RGS3: variants seen among roughly 807,000 people sequenced by gnomAD.
RGS3 encodes the protein regulator of G protein signaling 3.
In RGS3, 80 loss-of-function variants were observed where a neutral mutation model predicts 132.6. The ratio of observed to expected loss-of-function variants is 0.60; its 90% confidence interval spans 0.50 to 0.73. The LOEUF is 0.73. RGS3 is among the 30% of genes least tolerant of loss of function. The pLI, the probability that RGS3 is intolerant of heterozygous loss-of-function variation, is 0.00. For synonymous variants in RGS3, 598 were observed against 620.6 expected, an observed-to-expected ratio of 0.96 and a Z score of 0.54; for missense variants, 1,382 against 1,530.8, an observed-to-expected ratio of 0.90 and a Z score of 1.62.
intron 7 of RGS3, among the ~76,000 whole-genome samples, chr9:113,493,086 G>C (rs866539975): frequency 5.9e-5 from 9 of 152,334 alleles, no homozygotes; most frequent in Middle Eastern, 3.4e-3. Context: ...GAGTTCTCTT[G>C]AATGTGTGAC....
intron 22 of RGS3, 34 bp from the exon 21 acceptor site, chr9:113,594,883 CAG>C: frequency 1.2e-6 from 2 of 1,601,176 alleles, no homozygotes; most frequent in East Asian, 2.2e-5. Flanking sequence ...CCAAGCCTCT[CAG>C]TGCCCTCACT....
chr9:113,532,736 G>T (rs116556285), intron 18 of RGS3, among the ~76,000 whole-genome samples: 2,284 of 152,254 alleles, frequency 0.015, 63 homozygotes, highest in African/African-American at 0.052. Context: ...GATTTGAGGG[G>T]GCTGCCTCAG....
In RGS3 at chr9:113,579,614, T is replaced by C. The variant is rs1034080674; in HGVS notation, c.2038-3836T>C. On this transcript the variant is annotated intron_variant, in intron 19 of 24. Transcript: ENST00000350696. This position sits in a 1 kb window ranked among gnomAD's most constrained non-coding sequence, Gnocchi z 4.3. ...TGGGGCGCCCTGGCTGGATTCTTGT[T>C]ACTTCAGCTGTTGCAACAGCTGTCT... is the stretch of plus-strand genomic sequence containing the variant. Among the ~76,000 whole-genome samples the C allele has an allele frequency of 3.3e-5, 5 of 152,178 alleles. No individual in the cohort carries two copies. The highest frequency in any genetic ancestry group is 1.3e-4 in the Admixed American group (2 of 15,288).
chr9:113,484,401 CACTT>C (rs1830265111), intron 6 of RGS3, among the ~76,000 whole-genome samples, 169 bp downstream of exon 4: 2 of 151,186 alleles, frequency 1.3e-5, no homozygotes, highest in Admixed American at 6.6e-5. Context: ...TTTTCTCACT[CACTT>C]GTGTCCTTGC....
chr9:113,569,615 T>G (rs1019041338), intron 19 of RGS3, among the ~76,000 whole-genome samples: 6 of 150,480 alleles, frequency 4.0e-5, no homozygotes, highest in Admixed American at 4.0e-4. Flanking sequence ...CCTTCCTTCC[T>G]TCCTTCCTTC....
chr9:113,508,482 C>A (rs1831244879), intron 13 of RGS3, 59 bp from the exon 12 acceptor site: 1 of 1,605,664 alleles, frequency 6.2e-7, no homozygotes, highest in African/African-American at 1.3e-5. Context: ...CCAGCAGCCT[C>A]CTGGGCTGTC....
chr9:113,465,476 T>TGTGTGTGG (rs796647799), intron 3 of RGS3, among the ~76,000 whole-genome samples: 1 of 151,422 alleles, frequency 6.6e-6, no homozygotes. Context: ...TGTGTGTGTG[T>TGTGTGTGG]GTGTGCCTGT....
chr9:113,588,650 A>G (rs1402270423), intron 20 of RGS3, among the ~76,000 whole-genome samples: 1 of 152,236 alleles, frequency 6.6e-6, no homozygotes, highest in Non-Finnish European at 1.5e-5. Context: ...AAAGTATGTT[A>G]AAACACTTTG....
At chr9:113,499,155 A>T (rs1830784407) in intron 10 of RGS3, among the ~76,000 whole-genome samples, 1 of 139,364 alleles carries the variant, frequency 7.2e-6, no homozygotes, top group Non-Finnish European at 1.5e-5. Context: ...TGAACCTGGG[A>T]GGTGGAGGTT....
chr9:113,560,396 G>A (rs2118809361), intron 19 of RGS3, among the ~76,000 whole-genome samples: 1 of 151,506 alleles, frequency 6.6e-6, no homozygotes, highest in Non-Finnish European at 1.5e-5. Context: ...CGTGCCACCA[G>A]GAAGAGCAAG....
chr9:113,448,279 G>A (rs1427531929), intron 1 of RGS3, among the ~76,000 whole-genome samples: 1 of 151,846 alleles, frequency 6.6e-6, no homozygotes. Context: ...CTTTCACTTG[G>A]TTTACAAGCC....
chr9:113,553,459 A>AAAAAAAAAAAAAAATATATATAT (rs1426114805), intron 19 of RGS3, among the ~76,000 whole-genome samples: 1 of 58,706 alleles, frequency 1.7e-5, no homozygotes, highest in Non-Finnish European at 3.0e-5. Flanking sequence ...AAAAAAAAAA[A>AAAAAAAAAAAAAAATATATATAT]ATATATATAT....
intron 19 of RGS3, among the ~76,000 whole-genome samples, chr9:113,558,229 A>G (rs895151981): frequency 6.6e-6 from 1 of 152,212 alleles, no homozygotes; most frequent in Non-Finnish European, 1.5e-5. Flanking sequence ...CAGGCCAGGC[A>G]CAGTGGCTCA....
intron 7 of RGS3, among the ~76,000 whole-genome samples, chr9:113,486,047 A>G (rs1830322890): frequency 6.6e-6 from 1 of 152,240 alleles, no homozygotes; most frequent in Non-Finnish European, 1.5e-5. Context: ...GTACGTGCTC[A>G]GTTCTACAGG....
At chr9:113,568,042 C>T (rs1028232178) in intron 19 of RGS3, among the ~76,000 whole-genome samples, 1 of 152,190 alleles carries the variant, frequency 6.6e-6, no homozygotes, top group Non-Finnish European at 1.5e-5. Flanking sequence ...CGGTTTTTGC[C>T]ATTAAGAGTA....
At chr9:113,496,261 C>G (rs1280049539) in intron 8 of RGS3, among the ~76,000 whole-genome samples, 1 of 152,136 alleles carries the variant, frequency 6.6e-6, no homozygotes, top group Non-Finnish European at 1.5e-5. Flanking sequence ...AACAGGTGCT[C>G]AAGGATGGAG....
At chr9:113,471,980 A>C (rs1176247776) in intron 3 of RGS3, among the ~76,000 whole-genome samples, 7 of 152,214 alleles carry the variant, frequency 4.6e-5, no homozygotes. Context: ...ATTTGAATAG[A>C]CATTTTTTTC....
chr9:113,510,234 A>C (rs1202347502), intron 14 of RGS3, among the ~76,000 whole-genome samples: 1 of 152,236 alleles, frequency 6.6e-6, no homozygotes, highest in African/African-American at 2.4e-5. Context: ...AATAGTCTCC[A>C]ATCTCATCCA....
chr9:113,476,874 C>A (rs1046336173), intron 3 of RGS3, among the ~76,000 whole-genome samples: 2 of 152,234 alleles, frequency 1.3e-5, no homozygotes, highest in Admixed American at 6.5e-5. Flanking sequence ...TGTTGTGGAG[C>A]ACAGGGGTTC....
Sources: allele counts gnomAD v4.1 joint callset (sites outside exome capture counted in the v4.1 genomes callset), GRCh38; gene constraint gnomAD v4.1.1; non-coding constraint Gnocchi (gnomAD v3.1); transcripts MANE v1.5; gene names NCBI Gene and HGNC (gene_info 2026-07-23, HGNC 2026-07-21).